LRRC4C: variants seen among roughly 807,000 people sequenced by gnomAD.
LRRC4C encodes leucine rich repeat containing 4C.
Under a neutral mutation model 33.6 loss-of-function variants are expected in LRRC4C, and 5 were observed. That is an observed-to-expected ratio of 0.15 (90% CI 0.08 to 0.31). The LOEUF (loss-of-function observed/expected upper bound fraction) is 0.31. Ranked by LOEUF, LRRC4C falls within the 10% of genes least tolerant of loss-of-function variation. LRRC4C has a pLI of 1.00. For synonymous variants in LRRC4C, 329 were observed against 302.0 expected (o/e 1.09, Z -0.93); for missense variants, 560 against 796.7 (o/e 0.70, Z 3.58).
intron 4 of LRRC4C, among the ~76,000 whole-genome samples, chr11:40,243,122 G>A (rs1224345701): frequency 1.3e-5 from 2 of 152,108 alleles, no homozygotes; most frequent in Non-Finnish European, 2.9e-5. Flanking sequence ...TGTGGCTTCT[G>A]GAATAACAGG....
At chr11:40,164,693 A>T (rs1032772636) in intron 5 of LRRC4C, among the ~76,000 whole-genome samples, 4 of 152,186 alleles carry the variant, frequency 2.6e-5, no homozygotes, top group African/African-American at 9.7e-5. Context: ...TAGATACCAG[A>T]GGCAGGGAAG....
intron 3 of LRRC4C, among the ~76,000 whole-genome samples, chr11:40,375,161 C>T (rs780916439): frequency 7.9e-5 from 12 of 152,140 alleles, no homozygotes; most frequent in Non-Finnish European, 1.5e-4. Flanking sequence ...TAGTCAGCCA[C>T]TGTAACACAC....
rs1433941599 is a variant in LRRC4C at position 40,452,549 on chromosome 11, G to A, written c.-269-132828C>T. 2.6e-5 allele frequency among the ~76,000 whole-genome samples: 4 copies of A among 152,296 alleles called. No individual in the cohort carries two copies. The South Asian group carries it at 6.2e-4, about 24-fold the overall frequency. On this transcript the variant is annotated intron_variant, in intron 3 of 6. Transcript: ENST00000528697. ...GGAAACAACAGGTGCTGGAGAGGAT[G>A]TGGAGAAATAGGAACACTTTTACAC...
chr11:40,988,298 G>A (rs1016730106), intron 1 of LRRC4C, among the ~76,000 whole-genome samples: 2 of 152,126 alleles, frequency 1.3e-5, no homozygotes, highest in African/African-American at 4.8e-5. Flanking sequence ...GAGTTATAAA[G>A]GTTAGTTGCA....
chr11:41,234,650 C>T lies in LRRC4C; in HGVS notation c.-496+224781G>A, dbSNP rs180745355. On this transcript the variant is annotated intron_variant, in intron 1 of 6. Coordinates refer to ENST00000528697, the MANE Select transcript of LRRC4C (RefSeq NM_001258419.2). ...TGAGATGGATGAAAAGATTAGTTCT[C>T]AGAATCATAATCCGAATGGATGGAT... 3.4e-3 allele frequency among the ~76,000 whole-genome samples: 511 copies of T among 152,160 alleles called. 1 individual carries two copies. Among genetic ancestry groups the T allele is most frequent in the Non-Finnish European group, 5.4e-3 (366 of 67,970 alleles).
chr11:41,254,153 C>T (rs1438649092), intron 1 of LRRC4C, among the ~76,000 whole-genome samples: 1 of 151,922 alleles, frequency 6.6e-6, no homozygotes, highest in Non-Finnish European at 1.5e-5. Flanking sequence ...ATATTTTATG[C>T]AGTTGACAGC....
In LRRC4C at chr11:40,784,213, C is replaced by A. The variant is rs1002504917; in HGVS notation, c.-406-135935G>T. On this transcript the variant is annotated intron_variant, in intron 2 of 6. Coordinates refer to ENST00000528697, the MANE Select transcript of LRRC4C (RefSeq NM_001258419.2). ...TTTCACTGAGAATTTAGAAATGAAG[C>A]ATCACCTTCAAATTTCATCTAAATC... is the stretch of plus-strand genomic sequence containing the variant. Among the ~76,000 whole-genome samples, 4 of 152,230 alleles carry A rather than the reference C, an allele frequency of 2.6e-5. No homozygotes were observed. The East Asian group carries it at 5.8e-4, about 22-fold the overall frequency.
chr11:41,392,542 A>C (rs1325130770), intron 1 of LRRC4C, among the ~76,000 whole-genome samples: 5 of 144,682 alleles, frequency 3.5e-5, no homozygotes, highest in African/African-American at 1.3e-4. Context: ...CATACCCACC[A>C]CCTCCCCCAA....
chr11:40,909,174 A>G (rs910535974), intron 2 of LRRC4C, among the ~76,000 whole-genome samples: 3 of 152,088 alleles, frequency 2.0e-5, no homozygotes, highest in South Asian at 2.1e-4. Flanking sequence ...GCCTGCTTAC[A>G]TGAGGAATTT....
intron 6 of LRRC4C, among the ~76,000 whole-genome samples, chr11:40,128,139 C>T (rs1856392095): frequency 6.6e-6 from 1 of 152,118 alleles, no homozygotes. Flanking sequence ...CGAGCTGCAC[C>T]TTCCTAAGTA....
intron 3 of LRRC4C, among the ~76,000 whole-genome samples, chr11:40,554,066 G>C (rs959632880): frequency 6.6e-6 from 1 of 152,132 alleles, no homozygotes; most frequent in African/African-American, 2.4e-5. Context: ...GATTTGTATA[G>C]TTTGAGGTCC....
intron 3 of LRRC4C, among the ~76,000 whole-genome samples, chr11:40,527,113 TG>T (rs903289925): frequency 2.0e-5 from 3 of 152,080 alleles, no homozygotes; most frequent in Non-Finnish European, 4.4e-5. Context: ...CACCCTGCAA[TG>T]GGGGTGAGGG....
chr11:40,190,864 AT>A (rs1861783695), intron 5 of LRRC4C, among the ~76,000 whole-genome samples: 1 of 152,136 alleles, frequency 6.6e-6, no homozygotes, highest in Non-Finnish European at 1.5e-5. Flanking sequence ...TTCTCAACGC[AT>A]TTTCAAAAGA....
chr11:40,613,867 G>A (rs1961486604), intron 3 of LRRC4C, among the ~76,000 whole-genome samples: 1 of 151,902 alleles, frequency 6.6e-6, no homozygotes, highest in South Asian at 2.1e-4. Context: ...GCTAATGAAT[G>A]GTGATTTTTT....
chr11:40,430,615 G>A (rs927459968), intron 3 of LRRC4C, among the ~76,000 whole-genome samples: 2 of 152,058 alleles, frequency 1.3e-5, no homozygotes, highest in Non-Finnish European at 2.9e-5. Context: ...TTTGACTGTG[G>A]CTGGCTGGTC....
At chr11:40,616,476 C>A (rs1354339759) in intron 3 of LRRC4C, among the ~76,000 whole-genome samples, 2 of 151,604 alleles carry the variant, frequency 1.3e-5, no homozygotes, top group African/African-American at 2.4e-5. Context: ...TTTATTGCGG[C>A]ACTATTCACA....
At chr11:40,263,002 T>C (rs1316162041) in intron 4 of LRRC4C, among the ~76,000 whole-genome samples, 1 of 152,032 alleles carries the variant, frequency 6.6e-6, no homozygotes, top group Admixed American at 6.6e-5. Context: ...AAAAGAATTT[T>C]TTTTGGCCAG....
chr11:40,545,608 T>C (rs12294187), intron 3 of LRRC4C, among the ~76,000 whole-genome samples: 30,669 of 151,854 alleles, frequency 0.2, 3,679 homozygotes, highest in African/African-American at 0.33. Context: ...AAGACCCCTC[T>C]ATTGCTGTGT....
intron 1 of LRRC4C, among the ~76,000 whole-genome samples, chr11:41,122,377 G>A (rs1942484907): frequency 6.6e-6 from 1 of 152,012 alleles, no homozygotes. Context: ...GTTATGTTAG[G>A]TGCTCAGTTT....
Sources: gnomAD v4.1 joint callset for allele counts (sites outside exome capture counted in the v4.1 genomes callset) on GRCh38, gnomAD v4.1.1 for gene constraint, MANE v1.5 for transcripts, NCBI Gene and HGNC (gene_info 2026-07-23, HGNC 2026-07-21) for gene names.